ESRRG: variants seen among roughly 807,000 people sequenced by gnomAD.
ESRRG encodes the protein estrogen-related receptor gamma.
ESRRG carries 13 observed loss-of-function variants against 44.0 expected under a neutral mutation model. That is an observed-to-expected ratio of 0.30 (90% CI 0.19 to 0.47). The LOEUF is 0.47. Ranked by LOEUF, ESRRG falls within the 20% of genes least tolerant of loss-of-function variation. The pLI, the probability that ESRRG is intolerant of heterozygous loss-of-function variation, is 1.00. For synonymous variants in ESRRG, 215 were observed against 214.6 expected (o/e 1.00, Z -0.02); for missense variants, 395 against 580.6 (o/e 0.68, Z 3.29).
chr1:216,679,151 T>C (rs2076594268), intron 1 of ESRRG, among the ~76,000 whole-genome samples: 1 of 152,196 alleles, frequency 6.6e-6, no homozygotes, highest in Admixed American at 6.5e-5. Context: ...CGAAAATATC[T>C]TCGTACTTTC....
At chr1:216,623,077 C>CTTTTTTTTTTT (rs370657704) in intron 3 of ESRRG, among the ~76,000 whole-genome samples, 3 of 88,692 alleles carry the variant, frequency 3.4e-5, no homozygotes, top group Admixed American at 1.8e-4. Context: ...AATCATTAAA[C>CTTTTTTTTTTT]TTTTTTTTTT....
At chr1:216,759,060 C>T (rs2092623717) in intron 2 of ESRRG, among the ~76,000 whole-genome samples, 1 of 152,066 alleles carries the variant, frequency 6.6e-6, no homozygotes, top group Non-Finnish European at 1.5e-5. Context: ...AGCATATGTT[C>T]CTAGCCATAA....
At chr1:216,750,710 CGAA>C (rs777697132) in intron 2 of ESRRG, among the ~76,000 whole-genome samples, 6 of 151,814 alleles carry the variant, frequency 4.0e-5, no homozygotes, top group Non-Finnish European at 7.4e-5. Flanking sequence ...GGCCACCACC[CGAA>C]GAAGAACATA....
intron 2 of ESRRG, among the ~76,000 whole-genome samples, chr1:216,738,218 GA>G: frequency 6.6e-6 from 1 of 152,168 alleles, no homozygotes; most frequent in East Asian, 1.9e-4. Flanking sequence ...TAAAAAGAAG[GA>G]AAAAGGTGAA....
chr1:216,800,020 C>G (rs1052891258), intron 2 of ESRRG, among the ~76,000 whole-genome samples: 1 of 152,052 alleles, frequency 6.6e-6, no homozygotes, highest in East Asian at 1.9e-4. Context: ...AATCTCAGCA[C>G]TCAAATAAAA....
At chr1:217,127,870 AAT>A in intron 1 of ESRRG, among the ~76,000 whole-genome samples, 1 of 152,340 alleles carries the variant, frequency 6.6e-6, no homozygotes, top group East Asian at 1.9e-4. Context: ...TTTTTAAATA[AAT>A]ATGTCTCATA....
intron 2 of ESRRG, among the ~76,000 whole-genome samples, chr1:216,808,807 C>T (rs2094878750): frequency 6.6e-6 from 1 of 152,140 alleles, no homozygotes; most frequent in South Asian, 2.1e-4. Flanking sequence ...ATATTATTTG[C>T]TCCCAGCTCA....
chr1:217,124,409 A>C (rs1351662584), intron 1 of ESRRG, among the ~76,000 whole-genome samples: 3 of 152,214 alleles, frequency 2.0e-5, no homozygotes, highest in Non-Finnish European at 4.4e-5. Flanking sequence ...GTGTGGCAAG[A>C]CCTGCTCATG....
intron 3 of ESRRG, among the ~76,000 whole-genome samples, chr1:216,607,694 T>G (rs1039242090): frequency 1.3e-5 from 2 of 152,320 alleles, no homozygotes; most frequent in Admixed American, 1.3e-4. Flanking sequence ...AGACCACAAC[T>G]ATTTTATTTT....
chr1:216,991,035 C>A (rs1332351783), intron 1 of ESRRG, among the ~76,000 whole-genome samples: 2 of 152,012 alleles, frequency 1.3e-5, no homozygotes, highest in Non-Finnish European at 2.9e-5. Context: ...ACCATCTGAG[C>A]TCTGCCTCCT....
chr1:216,511,953 C>T (rs1019708884), intron 6 of ESRRG, among the ~76,000 whole-genome samples: 25 of 151,936 alleles, frequency 1.6e-4, no homozygotes, highest in African/African-American at 5.6e-4. Flanking sequence ...CTGAAAGCTG[C>T]TAAATAAAGA....
At chr1:217,102,250 T>C (rs1490383170) in intron 1 of ESRRG, among the ~76,000 whole-genome samples, 1 of 152,202 alleles carries the variant, frequency 6.6e-6, no homozygotes, top group Non-Finnish European at 1.5e-5. Context: ...ACAAAGTGGT[T>C]AGGAAACTTG....
In ESRRG at chr1:216,883,402, A is replaced by G. The variant is rs1029442703; in HGVS notation, c.-14+56180T>C. Among the ~76,000 whole-genome samples the G allele has an allele frequency of 7.1e-3, 1,075 of 151,112 alleles. 23 individuals carry two copies. Among genetic ancestry groups the G allele is most frequent in the African/African-American group, 0.025 (1,015 of 41,168 alleles). On this transcript the variant is annotated intron_variant, in intron 2 of 7. Coordinates refer to the ESRRG transcript ENST00000359162. Reference sequence around the variant, plus strand: ...CTTCTCTGAGAAAAAAAAAAAAAAAAAAAAAAAAAAAAGATACATTGCTCA... The same window carrying G: ...CTTCTCTGAGAAAAAAAAAAAAAAAGAAAAAAAAAAAAGATACATTGCTCA...
intron 3 of ESRRG, among the ~76,000 whole-genome samples, chr1:216,580,998 A>G (rs2062663542): frequency 6.6e-6 from 1 of 152,240 alleles, no homozygotes; most frequent in African/African-American, 2.4e-5. Context: ...GGAAAAGATC[A>G]ATGTCTGTTG....
At chr1:216,975,441 G>T (rs2072667315) in intron 1 of ESRRG, among the ~76,000 whole-genome samples, 1 of 152,212 alleles carries the variant, frequency 6.6e-6, no homozygotes. Context: ...TGCACGGGTT[G>T]AGCCCAGGTA....
At chr1:216,972,914 T>C (rs2072001827) in intron 1 of ESRRG, among the ~76,000 whole-genome samples, 1 of 152,040 alleles carries the variant, frequency 6.6e-6, no homozygotes, top group Non-Finnish European at 1.5e-5. Context: ...GGAATGGGAG[T>C]CTGTGATTTG....
intron 3 of ESRRG, among the ~76,000 whole-genome samples, chr1:216,641,299 T>G (rs1337825018): frequency 1.3e-5 from 2 of 152,228 alleles, no homozygotes; most frequent in Non-Finnish European, 2.9e-5. Flanking sequence ...AATTGTGATT[T>G]TAAAATATAT....
At chr1:216,765,455 G>T (rs1451865968) in intron 2 of ESRRG, among the ~76,000 whole-genome samples, 3 of 152,062 alleles carry the variant, frequency 2.0e-5, no homozygotes, top group Non-Finnish European at 4.4e-5. Flanking sequence ...GGCAGGGAAA[G>T]GTTAACTTAA....
At chr1:216,853,399 C>A (rs1461078834) in intron 2 of ESRRG, among the ~76,000 whole-genome samples, 2 of 151,380 alleles carry the variant, frequency 1.3e-5, no homozygotes, top group African/African-American at 4.9e-5. Context: ...CATGAGAAAT[C>A]ATAAAGTCCA....
Sources: allele counts gnomAD v4.1 joint callset (sites outside exome capture counted in the v4.1 genomes callset), GRCh38; gene constraint gnomAD v4.1.1; transcripts MANE v1.5; gene names NCBI Gene and HGNC (gene_info 2026-07-23, HGNC 2026-07-21).